The following POU6F2 variants were observed in gnomAD, a reference collection of about 807,000 sequenced individuals.
POU6F2 encodes POU class 6 homeobox 2.
POU6F2 carries 31 observed loss-of-function variants against 71.3 expected under a neutral mutation model. The ratio of observed to expected loss-of-function variants is 0.43; its 90% CI spans 0.33 to 0.59. The LOEUF (loss-of-function observed/expected upper bound fraction) is 0.59. Among genes scored for constraint, POU6F2 ranks in the 20% least tolerant of loss-of-function variants. POU6F2 has a pLI of 0.04. For missense variants in POU6F2, 783 were observed against 856.8 expected (o/e 0.91, Z 1.07); for synonymous variants, 347 against 355.7 (o/e 0.98, Z 0.27).
chr7:39,321,958 G>GACAA (rs35462377), intron 4 of POU6F2, among the ~76,000 whole-genome samples: 28,673 of 151,838 alleles, frequency 0.19, 2,789 homozygotes, highest in Middle Eastern at 0.26. Flanking sequence ...CATGAGTCCA[G>GACAA]ACAAACAATG....
In POU6F2 at chr7:38,997,316, C is replaced by G. The variant is rs528565265; in HGVS notation, c.105+19258C>G. Among the ~76,000 whole-genome samples the G allele has an allele frequency of 1.0e-3, 156 of 152,302 alleles. 2 individuals carry two copies. Among genetic ancestry groups the G allele is most frequent in the African/African-American group, 3.6e-3 (150 of 41,562 alleles). The stretch of plus-strand genomic sequence containing the variant: ...TCACTCCTCCAGTTCAGACTCTACA[C>G]TCTAGTCTAATTGAACTAGACTACT... On this transcript the variant is annotated intron_variant, in intron 1 of 9. Transcript: ENST00000518318.
chr7:39,104,548 CA>C lies in POU6F2; in HGVS notation c.277+18518del, dbSNP rs562027122. ...GGTTCCCAGGGCAAGCATGGAGAGA[CA>C]GGGGAGGGGGAAGGGAAGAGGCACT... On this transcript the variant is annotated intron_variant, in intron 2 of 9. Coordinates refer to ENST00000518318, the MANE Select transcript of POU6F2 (RefSeq NM_001370959.1). Among the ~76,000 whole-genome samples, 804 of 152,232 alleles carry C rather than the reference CA, an allele frequency of 5.3e-3. 8 individuals are homozygous for C. The highest frequency in any genetic ancestry group is 0.019 in the African/African-American group (771 of 41,544).
chr7:39,267,179 TGAATAGAACTACGGGA>T (rs1468008217), intron 4 of POU6F2, among the ~76,000 whole-genome samples: 1 of 151,842 alleles, frequency 6.6e-6, no homozygotes, highest in Non-Finnish European at 1.5e-5. Flanking sequence ...AAATAAGGGG[TGAATAGAACTACGGGA>T]GGAGGCTGTG....
intron 4 of POU6F2, among the ~76,000 whole-genome samples, chr7:39,263,063 A>G (rs544538395): frequency 3.9e-5 from 6 of 152,318 alleles, no homozygotes; most frequent in South Asian, 4.1e-4. Flanking sequence ...TGTCCCCAGA[A>G]ATTCAGGCCA....
intron 8 of POU6F2, among the ~76,000 whole-genome samples, chr7:39,455,044 G>A (rs1788768877): frequency 6.6e-6 from 1 of 152,064 alleles, no homozygotes; most frequent in Non-Finnish European, 1.5e-5. Context: ...TACACACCTT[G>A]CCTTGTGTTA....
intron 1 of POU6F2, among the ~76,000 whole-genome samples, chr7:39,064,887 T>C (rs1790726617): frequency 6.6e-6 from 1 of 151,836 alleles, no homozygotes; most frequent in East Asian, 1.9e-4. Flanking sequence ...AATTGAAACA[T>C]TACACATCAA....
chr7:39,268,661 C>G (rs748541197), intron 4 of POU6F2, among the ~76,000 whole-genome samples: 4 of 152,194 alleles, frequency 2.6e-5, no homozygotes, highest in Non-Finnish European at 5.9e-5. Context: ...ACTGTCCTGC[C>G]AGACACTCAC....
chr7:39,019,365 G>A (rs1416426411), intron 1 of POU6F2, among the ~76,000 whole-genome samples: 1 of 152,066 alleles, frequency 6.6e-6, no homozygotes, highest in African/African-American at 2.4e-5. Flanking sequence ...GAAGCTTTTA[G>A]GACCTTCTTT....
intron 5 of POU6F2, among the ~76,000 whole-genome samples, chr7:39,389,066 A>C (rs556775598): frequency 6.6e-6 from 1 of 152,334 alleles, no homozygotes; most frequent in South Asian, 2.1e-4. Flanking sequence ...TCACAGAGAA[A>C]TATATCTGTA....
chr7:39,150,683 G>A (rs1792738985), intron 2 of POU6F2, among the ~76,000 whole-genome samples: 1 of 151,674 alleles, frequency 6.6e-6, no homozygotes, highest in South Asian at 2.1e-4. Context: ...GGCCAGGCTG[G>A]TCTCGAACTC....
chr7:39,283,353 C>T (rs1297771822), intron 4 of POU6F2, among the ~76,000 whole-genome samples: 1 of 152,148 alleles, frequency 6.6e-6, no homozygotes, highest in African/African-American at 2.4e-5. Context: ...AAGTAACCAT[C>T]ATTGCTATCC....
At position 39,112,255 on chromosome 7, in the gene POU6F2, ACAG is replaced by A. The variant is rs1435932799; in HGVS notation, c.277+26225_277+26227del. Among the ~76,000 whole-genome samples, 716 of 152,304 alleles carry A rather than the reference ACAG, an allele frequency of 4.7e-3. 4 individuals are homozygous for A. Among genetic ancestry groups the A allele is most frequent in the South Asian group, 0.018 (85 of 4,826 alleles). On this transcript the variant is annotated intron_variant, in intron 2 of 9. Transcript: ENST00000518318. ...CTGAAATTAGTCTTTTAAATATGAT[ACAG>A]GTAACTTAAAAGTACTACTTTTAAG...
intron 2 of POU6F2, among the ~76,000 whole-genome samples, chr7:39,126,400 T>C (rs1427624674): frequency 6.6e-6 from 1 of 152,318 alleles, no homozygotes; most frequent in African/African-American, 2.4e-5. Flanking sequence ...GTGAATGAGA[T>C]GTGCCTTGGT....
intron 2 of POU6F2, among the ~76,000 whole-genome samples, chr7:39,090,337 G>A (rs1260621392): frequency 6.6e-6 from 1 of 152,076 alleles, no homozygotes; most frequent in Non-Finnish European, 1.5e-5. Flanking sequence ...TATGGCAGTA[G>A]AGTCGCTTTC....
rs755345378 is a variant in POU6F2 at position 39,339,685 on chromosome 7, G to C, written c.642G>C (p.Gln214His). 5.0e-6 allele frequency: 8 copies of C among 1,603,502 alleles called. No homozygotes were observed. The East Asian group carries it at 8.9e-5, about 18-fold the overall frequency. Reference sequence around the variant, plus strand: ...CCCAGCTCCAGCAGCTCCAGCTCCAGCTCCAGCAGCAGCAGCAGCAGCAGC... The same window carrying C: ...CCCAGCTCCAGCAGCTCCAGCTCCACCTCCAGCAGCAGCAGCAGCAGCAGC... ...LNSQLQQLQL[Q>H]LQQQQQQQQQ... is the part of the protein sequence containing the mutation. The change falls in exon 5 of 10, where the codon CAG becomes CAC. Residue 214 changes from glutamine to histidine, a missense_variant. Gln to His is a conservative substitution (Grantham distance 24). This residue lies in a region of POU6F2 where 572 missense variants were observed against 572.9 expected (regional missense o/e 1.00). Transcript: ENST00000518318.
rs374384608 is a variant in POU6F2 at position 39,457,674 on chromosome 7, C to T, written c.1490-2873C>T. Among the ~76,000 whole-genome samples the T allele has an allele frequency of 2.9e-4, 44 of 152,294 alleles. 1 individual carries two copies. The South Asian group carries it at 8.9e-3, about 31-fold the overall frequency. ...CAGCAGATCCCCTGCATCAGAATCG[C>T]TTGTGTTACTTGTTAAAAATGCACA... On this transcript the variant is annotated intron_variant, in intron 8 of 9. Coordinates refer to ENST00000518318, the MANE Select transcript of POU6F2 (RefSeq NM_001370959.1).
At chr7:39,423,416 A>C (rs992447538) in intron 6 of POU6F2, among the ~76,000 whole-genome samples, 5 of 152,142 alleles carry the variant, frequency 3.3e-5, no homozygotes, top group African/African-American at 9.7e-5. Flanking sequence ...GAACTAATAC[A>C]ATGTGGTATG....
chr7:39,234,743 A>G (rs544716552), intron 4 of POU6F2, among the ~76,000 whole-genome samples: 28 of 152,172 alleles, frequency 1.8e-4, no homozygotes, highest in African/African-American at 6.5e-4. Flanking sequence ...TTAGAAATTC[A>G]TTTTCTACTA....
chr7:39,318,770 C>T (rs1785324017), intron 4 of POU6F2, among the ~76,000 whole-genome samples: 3 of 152,180 alleles, frequency 2.0e-5, no homozygotes, highest in South Asian at 2.1e-4. Flanking sequence ...AGTCCTGTAA[C>T]ATCCCAGGCT....
Sources: allele counts gnomAD v4.1 joint callset (sites outside exome capture counted in the v4.1 genomes callset), GRCh38; gene constraint gnomAD v4.1.1; regional missense constraint gnomAD v4.1.1; transcripts MANE v1.5; gene names NCBI Gene and HGNC (gene_info 2026-07-23, HGNC 2026-07-21).